The following FOCAD variants were observed in gnomAD, a reference collection of about 807,000 sequenced individuals.
The protein encoded by FOCAD is focadhesin, also known as KIAA1797.
In FOCAD, 198 loss-of-function variants were observed where a neutral mutation model predicts 225.6. That is an observed-to-expected ratio of 0.88 (90% CI 0.78 to 0.99). The LOEUF (loss-of-function observed/expected upper bound fraction) is 0.99, where lower values mean the gene tolerates loss of function less well. Among genes scored for constraint, FOCAD ranks in the 50% least tolerant of loss-of-function variants. FOCAD has a pLI of 0.00. For synonymous variants in FOCAD, 897 were observed against 755.0 expected, an observed-to-expected ratio of 1.19 and a Z score of -3.08; for missense variants, 2,713 against 2,123.6, an observed-to-expected ratio of 1.28 and a Z score of -5.46.
chr9:20,871,516 C>A (rs1330469279), intron 18 of FOCAD, among the ~76,000 whole-genome samples: 1 of 151,716 alleles, frequency 6.6e-6, no homozygotes, highest in Non-Finnish European at 1.5e-5. Context: ...TTGTTGCACA[C>A]AACCAGGGGG....
rs141406123 is a variant in FOCAD, at chr9:20,956,946, G to A, written c.4132+3881G>A. 2.2e-3 allele frequency among the ~76,000 whole-genome samples: 338 copies of A among 152,002 alleles called. 9 individuals carry two copies. In the East Asian group the frequency reaches 0.043, roughly 19 times the overall value. On this transcript the variant is annotated intron_variant, in intron 35 of 43. Transcript: ENST00000338382. ...CGACCTCAGGTGATCCGCCTGCCTC[G>A]GCCTCCCAAAATGCTGGAATTACAG...
At chr9:20,907,045 G>T in intron 21 of FOCAD, 105 bp from the exon 22 acceptor site, 1 of 840,302 alleles carries the variant, frequency 1.2e-6, no homozygotes, top group South Asian at 1.7e-5. Context: ...TTTGTTTTCA[G>T]AATCTAAACC....
intron 2 of FOCAD, chr9:20,715,980 T>TTA: frequency 4.0e-6 from 1 of 249,300 alleles, no homozygotes; most frequent in South Asian, 5.3e-5. Flanking sequence ...GGTATCATAA[T>TTA]AGCTTATTGT....
At chr9:20,906,788 A>G (rs1473470036) in intron 21 of FOCAD, among the ~76,000 whole-genome samples, 2 of 152,094 alleles carry the variant, frequency 1.3e-5, no homozygotes, top group Non-Finnish European at 2.9e-5. Flanking sequence ...TAAAATTACT[A>G]CGGGGGTTTG....
intron 1 of FOCAD, among the ~76,000 whole-genome samples, chr9:20,688,529 AAG>A (rs1434884228): frequency 6.6e-6 from 1 of 152,314 alleles, no homozygotes; most frequent in East Asian, 1.9e-4. Flanking sequence ...CCTGGAGTTA[AAG>A]AGAGGATTCT....
At chr9:20,844,935 A>T (rs1826928817) in intron 15 of FOCAD, among the ~76,000 whole-genome samples, 1 of 151,958 alleles carries the variant, frequency 6.6e-6, no homozygotes, top group Non-Finnish European at 1.5e-5. Context: ...TCTATATTTG[A>T]CAACTTGACT....
Position 20,929,441 on chromosome 9 carries a change from C to G in FOCAD, c.3162C>G (p.Phe1054Leu). The change falls in exon 27 of 44, where the codon TTC (phenylalanine) becomes TTG (leucine). Residue 1054 changes from phenylalanine to leucine, a missense_variant. Coordinates refer to ENST00000338382, the MANE Select transcript of FOCAD (RefSeq NM_001375567.1). ...ATALSLLVPV[F>L]IISCKEKVEE... ...CTTTGTCTCTCCTTGTGCCAGTTTT[C>G]ATTATCTCTTGCAAAGAGAAGGTTG... is the stretch of plus-strand genomic sequence containing the variant. 6.2e-7 allele frequency: 1 copy of G among 1,614,128 alleles called. No homozygotes were observed. Among genetic ancestry groups the G allele is most frequent in the Non-Finnish European group, 8.5e-7 (1 of 1,180,022 alleles).
At chr9:20,841,122 A>G (rs1406107439) in intron 15 of FOCAD, among the ~76,000 whole-genome samples, 1 of 151,944 alleles carries the variant, frequency 6.6e-6, no homozygotes, top group African/African-American at 2.4e-5. Context: ...TTGGTTTGCT[A>G]TTATTTTACT....
intron 2 of FOCAD, among the ~76,000 whole-genome samples, chr9:20,665,811 G>T (rs1459319957): frequency 6.6e-6 from 1 of 151,926 alleles, no homozygotes; most frequent in East Asian, 1.9e-4. Flanking sequence ...CAGGCGGATT[G>T]CCTGAGGTCA....
At chr9:20,929,664 T>A in intron 27 of FOCAD, 68 bp downstream of exon 27, 12 of 1,266,918 alleles carry the variant, frequency 9.5e-6, no homozygotes, top group Non-Finnish European at 1.4e-5. Flanking sequence ...TGCACCCATA[T>A]GCACCTATAT....
intron 35 of FOCAD, among the ~76,000 whole-genome samples, chr9:20,956,317 T>C (rs1205344966): frequency 6.6e-6 from 1 of 152,214 alleles, no homozygotes; most frequent in African/African-American, 2.4e-5. Flanking sequence ...TGTGTGATTT[T>C]TGAGTATTTT....
chr9:20,938,990 C>T (rs973365459), intron 28 of FOCAD, among the ~76,000 whole-genome samples: 2 of 148,860 alleles, frequency 1.3e-5, no homozygotes, highest in Non-Finnish European at 1.5e-5. Context: ...AAAAAAAATA[C>T]AGAAAAAAAA....
At position 20,976,409 on chromosome 9, in the gene FOCAD, G is replaced by C. The variant is rs1236076718; in HGVS notation, c.4133-11G>C. ...AGGTGTTTTACTATTATTTTTCACTGTCTGTTATAGGTCCTGAATCTGTGC... is the reference window on the plus strand; with the variant it reads ...AGGTGTTTTACTATTATTTTTCACTCTCTGTTATAGGTCCTGAATCTGTGC... On this transcript the variant is annotated splice_polypyrimidine_tract_variant and intron_variant, in intron 35 of 43. Transcript: ENST00000338382. The C allele has an allele frequency of 1.2e-6, 2 of 1,611,274 alleles. No individual in the cohort carries two copies. Among genetic ancestry groups the C allele is most frequent in the Admixed American group, 1.7e-5 (1 of 59,762 alleles).
chr9:20,872,499 C>A (rs1257673801), intron 18 of FOCAD, among the ~76,000 whole-genome samples: 3 of 148,042 alleles, frequency 2.0e-5, no homozygotes, highest in Admixed American at 6.8e-5. Context: ...CCCACCCCCC[C>A]TTACTCTTTT....
At chr9:20,989,467 C>G (rs188055216) in intron 41 of FOCAD, among the ~76,000 whole-genome samples, 20 of 152,230 alleles carry the variant, frequency 1.3e-4, no homozygotes, top group Admixed American at 1.2e-3. Context: ...ATCACCATTT[C>G]TATGATTGTC....
At chr9:20,874,848 T>G (rs780927200) in intron 19 of FOCAD, 41 bp downstream of exon 19, 34 of 1,611,476 alleles carry the variant, frequency 2.1e-5, no homozygotes, top group Non-Finnish European at 2.8e-5. Flanking sequence ...CATTTTTTAG[T>G]GGTTCGATTT....
At chr9:20,747,060 A>G (rs1040127576) in intron 5 of FOCAD, among the ~76,000 whole-genome samples, 1 of 152,058 alleles carries the variant, frequency 6.6e-6, no homozygotes, top group Non-Finnish European at 1.5e-5. Context: ...CATTTTTTTG[A>G]ACTAATAAGC....
chr9:20,761,918 C>T (rs942545433), intron 6 of FOCAD, among the ~76,000 whole-genome samples: 3 of 152,148 alleles, frequency 2.0e-5, no homozygotes, highest in Non-Finnish European at 4.4e-5. Context: ...TAATGTCTTA[C>T]TCCACCGAAG....
chr9:20,799,097 G>C (rs1224235418), intron 11 of FOCAD, among the ~76,000 whole-genome samples: 4 of 152,080 alleles, frequency 2.6e-5, no homozygotes. Context: ...GCCTTCATTT[G>C]TTATGTACCC....
Sources: gnomAD v4.1 joint callset for allele counts (sites outside exome capture counted in the v4.1 genomes callset) on GRCh38, gnomAD v4.1.1 for gene constraint, MANE v1.5 for transcripts, NCBI Gene and HGNC (gene_info 2026-07-23, HGNC 2026-07-21) for gene names.